PDE4D: variants seen among roughly 807,000 people sequenced by gnomAD.
PDE4D encodes the protein 3',5'-cyclic-AMP phosphodiesterase 4D.
Under a neutral mutation model 87.4 loss-of-function variants are expected in PDE4D, and 24 were observed. The ratio of observed to expected loss-of-function variants is 0.27; its 90% CI spans 0.20 to 0.39. PDE4D has a LOEUF of 0.39. PDE4D is among the 10% of genes least tolerant of loss of function. PDE4D has a pLI of 1.00. For synonymous variants in PDE4D, 384 were observed against 383.2 expected (o/e 1.00, Z -0.02); for missense variants, 714 against 1,041.0 (o/e 0.69, Z 4.32).
intron 1 of PDE4D, among the ~76,000 whole-genome samples, chr5:60,265,653 G>A (rs1307040244): frequency 6.6e-6 from 1 of 152,118 alleles, no homozygotes; most frequent in African/African-American, 2.4e-5. Flanking sequence ...CTTAGCTGGT[G>A]GGACCCTAGA....
chr5:60,443,232 G>C (rs1745381106), intron 1 of PDE4D, among the ~76,000 whole-genome samples: 1 of 152,124 alleles, frequency 6.6e-6, no homozygotes, highest in Non-Finnish European at 1.5e-5. Context: ...AAGATTTCCA[G>C]ACCTCAGTGT....
At chr5:60,240,766 T>C (rs1193241768) in intron 1 of PDE4D, among the ~76,000 whole-genome samples, 1 of 152,162 alleles carries the variant, frequency 6.6e-6, no homozygotes, top group African/African-American at 2.4e-5. Flanking sequence ...CTGGATCTTA[T>C]GCAAGAATAC....
At chr5:59,987,848 C>T (rs1046962031) in intron 3 of PDE4D, 2 of 151,996 alleles carry the variant, frequency 1.3e-5, no homozygotes, top group Non-Finnish European at 2.9e-5. Flanking sequence ...TGGTAAACAA[C>T]ACGAAAAAGA....
chr5:59,051,402 A>C (rs888247088), intron 5 of PDE4D, among the ~76,000 whole-genome samples: 2 of 152,170 alleles, frequency 1.3e-5, no homozygotes, highest in Non-Finnish European at 2.9e-5. Flanking sequence ...TTACAAGACC[A>C]CACCAAATCA....
intron 1 of PDE4D, among the ~76,000 whole-genome samples, chr5:59,668,977 A>G (rs1395684762): frequency 6.6e-6 from 1 of 152,144 alleles, no homozygotes; most frequent in Non-Finnish European, 1.5e-5. Flanking sequence ...AGGGTCACAG[A>G]TTCTTTTGGA....
chr5:60,373,887 G>C (rs184836842), intron 1 of PDE4D, among the ~76,000 whole-genome samples: 2 of 152,226 alleles, frequency 1.3e-5, no homozygotes, highest in Non-Finnish European at 2.9e-5. Flanking sequence ...GCGTCACTCT[G>C]ACACTTACTC....
chr5:59,536,789 A>G (rs114059436), intron 1 of PDE4D, among the ~76,000 whole-genome samples: 14 of 152,288 alleles, frequency 9.2e-5, no homozygotes, highest in African/African-American at 3.4e-4. Flanking sequence ...ATAGAAAAAT[A>G]TGGCTAATCT....
chr5:59,311,130 C>A (rs1772498158), intron 1 of PDE4D, among the ~76,000 whole-genome samples: 1 of 152,026 alleles, frequency 6.6e-6, no homozygotes, highest in Non-Finnish European at 1.5e-5. Flanking sequence ...AATGTGGGAC[C>A]AGGGTTAGTG....
chr5:60,483,936 G>C (rs1174674147), intron 1 of PDE4D, among the ~76,000 whole-genome samples: 3 of 152,178 alleles, frequency 2.0e-5, no homozygotes, highest in East Asian at 3.9e-4. Flanking sequence ...TATAACAGCA[G>C]TGAGCTGAAA....
chr5:59,812,605 G>A (rs1413336372), intron 1 of PDE4D, among the ~76,000 whole-genome samples: 2 of 151,910 alleles, frequency 1.3e-5, no homozygotes, highest in East Asian at 1.9e-4. Flanking sequence ...CCTGGGAGGC[G>A]GACGTTGCAG....
At chr5:59,194,315 C>G (rs955598750) in intron 2 of PDE4D, among the ~76,000 whole-genome samples, 1 of 152,168 alleles carries the variant, frequency 6.6e-6, no homozygotes, top group African/African-American at 2.4e-5. Context: ...TCACCATCAG[C>G]TATTTCTTGA....
At chr5:60,008,267 T>C (rs982521742) in intron 2 of PDE4D, among the ~76,000 whole-genome samples, 10 of 151,884 alleles carry the variant, frequency 6.6e-5, no homozygotes, top group African/African-American at 2.4e-4. Flanking sequence ...CCGATTGCTA[T>C]AGGCACCAGA....
intron 1 of PDE4D, among the ~76,000 whole-genome samples, chr5:59,615,438 T>C (rs532474849): frequency 1.2e-5 from 1 of 84,438 alleles, no homozygotes; most frequent in South Asian, 5.9e-4. Context: ...AAATGAATCA[T>C]AGGCACATAG....
chr5:59,682,989 T>C lies in PDE4D; in HGVS notation c.455+210179A>G, dbSNP rs984107957. 3.9e-5 allele frequency among the ~76,000 whole-genome samples: 6 copies of C among 152,188 alleles called. No individual in the cohort carries two copies. The South Asian group carries it at 8.3e-4, about 21-fold the overall frequency. On this transcript the variant is annotated intron_variant, in intron 1 of 14. Transcript: ENST00000340635. ...TGAAAAGCATGATTTTGTAATTTCA[T>C]TGGCTACACAGAACATTATTGGGAC...
intron 1 of PDE4D, among the ~76,000 whole-genome samples, chr5:59,254,773 T>C (rs1262657453): frequency 6.6e-6 from 1 of 152,132 alleles, no homozygotes; most frequent in Non-Finnish European, 1.5e-5. Flanking sequence ...TAGCCACCTC[T>C]TCCTCAAAGC....
chr5:58,975,905 A>C lies in PDE4D; in HGVS notation c.1831-66T>G. 8.2e-7 allele frequency: 1 copy of C among 1,215,440 alleles called. No individual in the cohort carries two copies. Among genetic ancestry groups the C allele is most frequent in the Middle Eastern group, 2.1e-4 (1 of 4,872 alleles). 75.3% of individuals were successfully genotyped at this position (1,215,440 alleles called of 1,614,324 possible). On this transcript the variant is annotated intron_variant, in intron 13 of 14. Coordinates refer to ENST00000340635, the MANE Select transcript of PDE4D (RefSeq NM_001104631.2). The surrounding 1 kb of genome is among the most constrained non-coding windows in gnomAD (Gnocchi z 4.2). ...TTTTTTTAAAAAAAAAAACAAAAAA[A>C]ACTAGAAATTCACATTGGATGACTG... is the stretch of plus-strand genomic sequence containing the variant.
intron 2 of PDE4D, among the ~76,000 whole-genome samples, chr5:60,016,025 CTGTGTG>C (rs70975359): frequency 1.6e-4 from 24 of 146,802 alleles, no homozygotes; most frequent in South Asian, 1.3e-3. Context: ...CTCTCTCTCT[CTGTGTG>C]TGTGTGTGTG....
intron 1 of PDE4D, among the ~76,000 whole-genome samples, chr5:59,596,014 A>G (rs1826628270): frequency 6.6e-6 from 1 of 151,332 alleles, no homozygotes; most frequent in African/African-American, 2.4e-5. Flanking sequence ...TAAAAATTAT[A>G]TATATATATA....
At chr5:59,692,573 G>T (rs1301788264) in intron 1 of PDE4D, among the ~76,000 whole-genome samples, 1 of 152,070 alleles carries the variant, frequency 6.6e-6, no homozygotes, top group Non-Finnish European at 1.5e-5. Context: ...GTATTAAAAT[G>T]TGTTTCCTCT....
Sources: allele counts gnomAD v4.1 joint callset (sites outside exome capture counted in the v4.1 genomes callset), GRCh38; gene constraint gnomAD v4.1.1; non-coding constraint Gnocchi (gnomAD v3.1); transcripts MANE v1.5; gene names NCBI Gene and HGNC (gene_info 2026-07-23, HGNC 2026-07-21).